The following ME3 variants were observed in gnomAD, a reference collection of about 807,000 sequenced individuals.
ME3 encodes the protein NADP-dependent malic enzyme, mitochondrial.
Under a neutral mutation model 68.9 loss-of-function variants are expected in ME3, and 48 were observed. That is an observed-to-expected ratio of 0.70 (90% CI 0.55 to 0.89). The LOEUF is 0.89. Among genes scored for constraint, ME3 ranks in the 40% least tolerant of loss-of-function variants. The pLI is 0.00. For missense variants in ME3, 675 were observed against 797.4 expected, an observed-to-expected ratio of 0.85 and a Z score of 1.85; for synonymous variants, 320 against 318.8, an observed-to-expected ratio of 1.00 and a Z score of -0.04.
chr11:86,609,019 T>C (rs1330740045), intron 2 of ME3, among the ~76,000 whole-genome samples: 5 of 152,350 alleles, frequency 3.3e-5, no homozygotes, highest in Non-Finnish European at 7.3e-5. Context: ...ATTTTTCTCA[T>C]GTAATCTTCA....
chr11:86,605,764 T>G (rs1410329714), intron 2 of ME3, among the ~76,000 whole-genome samples: 1 of 150,758 alleles, frequency 6.6e-6, no homozygotes, highest in African/African-American at 2.4e-5. Flanking sequence ...ACAGATGGAA[T>G]GGACAACTAA....
intron 4 of ME3, among the ~76,000 whole-genome samples, chr11:86,525,731 G>A (rs770550947): frequency 2.8e-4 from 43 of 152,008 alleles, no homozygotes; most frequent in Non-Finnish European, 5.6e-4. Context: ...TGTGGTGGCA[G>A]GTGCATATAA....
intron 4 of ME3, among the ~76,000 whole-genome samples, chr11:86,552,928 G>C (rs1956765790): frequency 6.6e-6 from 1 of 152,186 alleles, no homozygotes; most frequent in Admixed American, 6.5e-5. Flanking sequence ...TGGCCTGGGA[G>C]AGGGAGAGTA....
intron 6 of ME3, among the ~76,000 whole-genome samples, chr11:86,489,408 T>C: frequency 6.6e-6 from 1 of 152,224 alleles, no homozygotes. Flanking sequence ...TTATAACATA[T>C]GCTATAAAAC....
intron 4 of ME3, among the ~76,000 whole-genome samples, chr11:86,544,312 A>G (rs112236128): frequency 2.6e-5 from 4 of 152,332 alleles, no homozygotes; most frequent in African/African-American, 9.6e-5. Flanking sequence ...ATCAGAGCAG[A>G]ACTGAAGGAG....
At position 86,658,023 on chromosome 11, in the gene ME3, A is replaced by G. The variant is rs146848043; in HGVS notation, c.183+13739T>C. Among the ~76,000 whole-genome samples, 1,339 of 152,284 alleles carry G rather than the reference A, an allele frequency of 8.8e-3. 27 individuals are homozygous for G. Among genetic ancestry groups the G allele is most frequent in the African/African-American group, 0.03 (1,252 of 41,554 alleles). On this transcript the variant is annotated intron_variant, in intron 2 of 14. Transcript: ENST00000543262. Reference sequence around the variant, plus strand: ...TGGCAACCCTCAGCATCTTAGGGGTACCATGAAGAACCTCAGGATATGCCT... The same window carrying G: ...TGGCAACCCTCAGCATCTTAGGGGTGCCATGAAGAACCTCAGGATATGCCT...
intron 2 of ME3, among the ~76,000 whole-genome samples, chr11:86,636,625 G>A (rs1316889487): frequency 6.6e-6 from 1 of 152,204 alleles, no homozygotes; most frequent in African/African-American, 2.4e-5. Context: ...AGTGAGATCT[G>A]GAGAGGACAA....
At chr11:86,619,622 TCA>T (rs1339053132) in intron 2 of ME3, among the ~76,000 whole-genome samples, 1 of 152,230 alleles carries the variant, frequency 6.6e-6, no homozygotes, top group Admixed American at 6.5e-5. Context: ...TGCTTGGTTC[TCA>T]TTCTTTCTTG....
intron 6 of ME3, 111 bp from the exon 7 acceptor site, chr11:86,487,551 G>C (rs946718650): frequency 2.3e-5 from 19 of 825,368 alleles, no homozygotes; most frequent in African/African-American, 8.6e-5. Flanking sequence ...GAGGAGAGGG[G>C]GGAGTAAGAA....
intron 4 of ME3, among the ~76,000 whole-genome samples, chr11:86,518,673 C>T (rs1316793768): frequency 6.6e-6 from 1 of 152,148 alleles, no homozygotes; most frequent in Non-Finnish European, 1.5e-5. Context: ...GAAGAGCCCA[C>T]TAAAAGCTAT....
At chr11:86,559,846 A>G in intron 2 of ME3, 23 bp from the exon 3 acceptor site, 2 of 1,611,400 alleles carry the variant, frequency 1.2e-6, no homozygotes, top group Non-Finnish European at 1.7e-6. Flanking sequence ...GGAAAAGAAC[A>G]CCCACACATA....
At chr11:86,599,547 A>G (rs940570897) in intron 2 of ME3, among the ~76,000 whole-genome samples, 8 of 152,238 alleles carry the variant, frequency 5.3e-5, no homozygotes, top group Admixed American at 5.2e-4. Flanking sequence ...ATCCAGGACA[A>G]CTTCCCCAAT....
chr11:86,521,892 T>C (rs1276473824), intron 4 of ME3, among the ~76,000 whole-genome samples: 1 of 152,156 alleles, frequency 6.6e-6, no homozygotes, highest in African/African-American at 2.4e-5. Flanking sequence ...TGAAGTGGCT[T>C]ACAGTTGGCC....
rs189092894 is a variant in ME3, at chr11:86,527,837, C to A, written c.468-18970G>T. 1.7e-3 allele frequency among the ~76,000 whole-genome samples: 264 copies of A among 152,276 alleles called. 5 individuals carry two copies. In the East Asian group the frequency reaches 0.043, roughly 25 times the overall value. On this transcript the variant is annotated intron_variant, in intron 4 of 14. Transcript: ENST00000543262. The stretch of plus-strand genomic sequence containing the variant: ...TTTTGTCACCACCAGGCCTGCCCTA[C>A]AAGAGCTCCTGAAGGAAGCACTAAA...
chr11:86,473,245 C>G (rs1252507000), intron 7 of ME3, among the ~76,000 whole-genome samples: 1 of 152,208 alleles, frequency 6.6e-6, no homozygotes, highest in Non-Finnish European at 1.5e-5. Context: ...TCGGGAGCAT[C>G]AAATACTGCC....
chr11:86,580,219 A>G (rs1243778906), intron 2 of ME3, among the ~76,000 whole-genome samples: 1 of 152,134 alleles, frequency 6.6e-6, no homozygotes, highest in Non-Finnish European at 1.5e-5. Context: ...CTAGATTGAC[A>G]TTGTCGACCC....
At chr11:86,481,208 ATTTTTTTTT>A (rs71040240) in intron 7 of ME3, among the ~76,000 whole-genome samples, 2 of 105,900 alleles carry the variant, frequency 1.9e-5, no homozygotes, top group African/African-American at 3.9e-5. Flanking sequence ...CACCCAGCTG[ATTTTTTTTT>A]TTTTTTTTTT....
chr11:86,589,694 A>C (rs1373018846), intron 2 of ME3, among the ~76,000 whole-genome samples: 1 of 152,214 alleles, frequency 6.6e-6, no homozygotes, highest in Non-Finnish European at 1.5e-5. Context: ...TCCCCCACTT[A>C]GGTCTCTTCC....
intron 5 of ME3, among the ~76,000 whole-genome samples, chr11:86,502,797 T>A (rs1952815908): frequency 6.6e-6 from 1 of 152,204 alleles, no homozygotes; most frequent in South Asian, 2.1e-4. Context: ...TGCCATATTC[T>A]TCCTTTGCCC....
Sources: gnomAD v4.1 joint callset for allele counts (sites outside exome capture counted in the v4.1 genomes callset) on GRCh38, gnomAD v4.1.1 for gene constraint, MANE v1.5 for transcripts, NCBI Gene and HGNC (gene_info 2026-07-23, HGNC 2026-07-21) for gene names.